The following WDFY4 variants were observed in gnomAD, a reference collection of about 807,000 sequenced individuals.
The protein encoded by WDFY4 is WDFY family member 4.
Under a neutral mutation model 351.9 loss-of-function variants are expected in WDFY4, and 169 were observed. The ratio of observed to expected loss-of-function variants is 0.48; its 90% CI spans 0.42 to 0.55. The LOEUF is 0.55. WDFY4 is among the 20% of genes least tolerant of loss of function. WDFY4 has a pLI of 0.00. For missense variants in WDFY4, 3,803 were observed against 3,935.6 expected (o/e 0.97, Z 0.90); for synonymous variants, 1,622 against 1,574.6 (o/e 1.03, Z -0.71).
chr10:48,754,083 T>C (rs922474781), intron 12 of WDFY4, among the ~76,000 whole-genome samples: 11 of 152,206 alleles, frequency 7.2e-5, no homozygotes, highest in African/African-American at 2.7e-4. Context: ...TTTGTTATGT[T>C]GAACCACCCT....
At position 48,959,664 on chromosome 10, in the gene WDFY4, C is replaced by G. The variant is rs974002896; in HGVS notation, c.8132-58C>G. The G allele has an allele frequency of 3.4e-6, 5 of 1,477,222 alleles. No homozygotes were observed. The Admixed American group carries it at 5.9e-5, about 17-fold the overall frequency. 91.5% of individuals were successfully genotyped at this position (1,477,222 alleles called of 1,614,324 possible). A position where few individuals can be genotyped will look rare whatever the true frequency, so the allele number is the denominator to read the frequency against. ...CCTGGGCAATGTGTATTTTACATCC[C>G]CCAGTTCCTAGCCTGATTTGAGTTA... On this transcript the variant is annotated intron_variant, in intron 52 of 61. Coordinates refer to ENST00000325239, the MANE Select transcript of WDFY4 (RefSeq NM_001394531.1).
intron 3 of WDFY4, among the ~76,000 whole-genome samples, chr10:48,720,813 G>A (rs1316894897): frequency 6.6e-6 from 1 of 152,188 alleles, no homozygotes; most frequent in Admixed American, 6.5e-5. Flanking sequence ...CCTCATGTGC[G>A]CTGGTCCCTG....
At chr10:48,864,286 A>G (rs898934965) in intron 39 of WDFY4, among the ~76,000 whole-genome samples, 1 of 152,206 alleles carries the variant, frequency 6.6e-6, no homozygotes, top group African/African-American at 2.4e-5. Context: ...GTTTAACTTC[A>G]TTATTTTGCA....
At chr10:48,900,874 C>A (rs754258512) in intron 46 of WDFY4, among the ~76,000 whole-genome samples, 1 of 152,102 alleles carries the variant, frequency 6.6e-6, no homozygotes, top group African/African-American at 2.4e-5. Context: ...AGTTATAGAT[C>A]AGTAGATTGG....
intron 2 of WDFY4, among the ~76,000 whole-genome samples, chr10:48,718,171 C>CT (rs914043053): frequency 3.6e-4 from 55 of 152,226 alleles, no homozygotes; most frequent in African/African-American, 1.3e-3. Context: ...CATAAATGAT[C>CT]TTTTTTTCAG....
At chr10:48,685,505 G>A (rs1183792254) in intron 1 of WDFY4, among the ~76,000 whole-genome samples, 3 of 152,278 alleles carry the variant, frequency 2.0e-5, no homozygotes, top group Middle Eastern at 3.4e-3. Flanking sequence ...GGTCTATCCC[G>A]GCCCTGTCAT....
chr10:48,834,948 A>C (rs1000441995), intron 39 of WDFY4, among the ~76,000 whole-genome samples: 1 of 152,250 alleles, frequency 6.6e-6, no homozygotes, highest in African/African-American at 2.4e-5. Context: ...GGCTTTTAAC[A>C]GTTTGCTCTT....
intron 1 of WDFY4, among the ~76,000 whole-genome samples, chr10:48,692,834 C>A (rs944012625): frequency 1.3e-5 from 2 of 152,268 alleles, no homozygotes; most frequent in Non-Finnish European, 2.9e-5. Context: ...TTACTGAGAT[C>A]GTATCTTGAT....
At chr10:48,714,397 G>A (rs1214057931) in intron 2 of WDFY4, among the ~76,000 whole-genome samples, 1 of 152,240 alleles carries the variant, frequency 6.6e-6, no homozygotes, top group African/African-American at 2.4e-5. Flanking sequence ...TGCAGATAAG[G>A]AGGAAGTTTT....
At chr10:48,712,401 C>T (rs2063791150) in intron 2 of WDFY4, among the ~76,000 whole-genome samples, 1 of 152,186 alleles carries the variant, frequency 6.6e-6, no homozygotes, top group African/African-American at 2.4e-5. Context: ...GCCAGGATTC[C>T]CTAAACTGCT....
intron 12 of WDFY4, chr10:48,745,605 T>C: frequency 1.9e-6 from 1 of 529,156 alleles, no homozygotes; most frequent in South Asian, 1.6e-5. Flanking sequence ...TTTTGGCCTG[T>C]TTCTGCAGCC....
At chr10:48,933,605 C>T (rs996672030) in intron 47 of WDFY4, among the ~76,000 whole-genome samples, 4 of 152,196 alleles carry the variant, frequency 2.6e-5, no homozygotes, top group Non-Finnish European at 4.4e-5. Flanking sequence ...TAGCTCATCC[C>T]TCCCTGAAAA....
At chr10:48,716,129 A>T (rs1242101836) in intron 2 of WDFY4, among the ~76,000 whole-genome samples, 1 of 151,572 alleles carries the variant, frequency 6.6e-6, no homozygotes, top group Non-Finnish European at 1.5e-5. Context: ...AACAGAGGAG[A>T]GGGTCTACTG....
chr10:48,779,241 G>A (rs2066138767), intron 18 of WDFY4, among the ~76,000 whole-genome samples: 1 of 152,200 alleles, frequency 6.6e-6, no homozygotes, highest in Non-Finnish European at 1.5e-5. Flanking sequence ...AGACATATAG[G>A]CGCTCCCACA....
intron 57 of WDFY4, among the ~76,000 whole-genome samples, chr10:48,974,346 T>TA (rs1431697046): frequency 6.6e-6 from 1 of 150,984 alleles, no homozygotes; most frequent in East Asian, 1.9e-4. Context: ...CCACTAAAAA[T>TA]AAAAAACATT....
chr10:48,743,806 C>G (rs1250786194), intron 12 of WDFY4, among the ~76,000 whole-genome samples: 1 of 152,058 alleles, frequency 6.6e-6, no homozygotes, highest in Non-Finnish European at 1.5e-5. Flanking sequence ...AGGGCAGGAC[C>G]CTGCTGCTAC....
At chr10:48,881,523 G>T (rs2070249219) in intron 43 of WDFY4, among the ~76,000 whole-genome samples, 1 of 152,192 alleles carries the variant, frequency 6.6e-6, no homozygotes, top group South Asian at 2.1e-4. Flanking sequence ...ACAAGGTTTT[G>T]GGAAAAAGAG....
At chr10:48,795,972 C>T (rs572123764) in intron 23 of WDFY4, among the ~76,000 whole-genome samples, 1 of 152,056 alleles carries the variant, frequency 6.6e-6, no homozygotes, top group African/African-American at 2.4e-5. Context: ...ATAAATGCAG[C>T]ATTTATGGGA....
At chr10:48,861,731 T>C (rs537433174) in intron 39 of WDFY4, among the ~76,000 whole-genome samples, 82 of 152,348 alleles carry the variant, frequency 5.4e-4, no homozygotes, top group African/African-American at 1.9e-3. Flanking sequence ...TGTAGGTTTA[T>C]ATCTTTTGCT....
Sources: gnomAD v4.1 joint callset for allele counts (sites outside exome capture counted in the v4.1 genomes callset) on GRCh38, gnomAD v4.1.1 for gene constraint, MANE v1.5 for transcripts, NCBI Gene and HGNC (gene_info 2026-07-23, HGNC 2026-07-21) for gene names.